ATP10B: variants seen among roughly 807,000 people sequenced by gnomAD.
The protein encoded by ATP10B is ATPase phospholipid transporting 10B (putative).
ATP10B carries 122 observed loss-of-function variants against 141.2 expected under a neutral mutation model. That is an observed-to-expected ratio of 0.86 (90% confidence interval 0.75 to 1.00). The LOEUF (loss-of-function observed/expected upper bound fraction) is 1.00, where lower values mean the gene tolerates loss of function less well. ATP10B is among the 50% of genes least tolerant of loss of function. The pLI is 0.00. For missense variants in ATP10B, 1,876 were observed against 1,825.3 expected, an observed-to-expected ratio of 1.03 and a Z score of -0.51; for synonymous variants, 685 against 692.0, an observed-to-expected ratio of 0.99 and a Z score of 0.16.
intron 6 of ATP10B, among the ~76,000 whole-genome samples, chr5:160,671,164 CAAAAAAA>C (rs1167788105): frequency 0.02 from 464 of 23,726 alleles, 2 homozygotes; most frequent in African/African-American, 0.041. Flanking sequence ...GACTCTGTCT[CAAAAAAA>C]AAAAAAAAAA....
chr5:160,631,294 A>G lies in ATP10B; in HGVS notation c.1620+835T>C, dbSNP rs144994869. ...TGTGTGCAAAGGAAAGAGGAATAGG[A>G]CAGTGGGCAGAAGCCCTGGTCTTGC... On this transcript the variant is annotated intron_variant, in intron 13 of 25. Coordinates refer to ENST00000327245, the MANE Select transcript of ATP10B (RefSeq NM_025153.3). Among the ~76,000 whole-genome samples the G allele has an allele frequency of 5.4e-3, 814 of 151,946 alleles. 6 individuals are homozygous for G. Among genetic ancestry groups the G allele is most frequent in the Non-Finnish European group, 7.2e-3 (488 of 67,866 alleles).
intron 1 of ATP10B, among the ~76,000 whole-genome samples, chr5:160,837,141 C>A (rs1326209728): frequency 6.6e-6 from 1 of 152,128 alleles, no homozygotes; most frequent in African/African-American, 2.4e-5. Context: ...ATTTATCCAA[C>A]ACTACAAATT....
intron 2 of ATP10B, among the ~76,000 whole-genome samples, chr5:160,726,439 A>T (rs1476171213): frequency 6.6e-6 from 1 of 152,142 alleles, no homozygotes; most frequent in African/African-American, 2.4e-5. Flanking sequence ...ACAAAGTGTG[A>T]GTCCTGTTCA....
chr5:160,604,844 T>A (rs1757294376), intron 19 of ATP10B, among the ~76,000 whole-genome samples: 1 of 152,134 alleles, frequency 6.6e-6, no homozygotes, highest in Non-Finnish European at 1.5e-5. Flanking sequence ...CTATGGAAAT[T>A]TTGCTGGTGA....
chr5:160,769,406 C>T (rs1769714863), intron 2 of ATP10B, among the ~76,000 whole-genome samples: 1 of 152,214 alleles, frequency 6.6e-6, no homozygotes, highest in African/African-American at 2.4e-5. Context: ...ACAAGGCCCA[C>T]ACAATTGCTC....
intron 1 of ATP10B, among the ~76,000 whole-genome samples, chr5:160,823,755 A>C (rs1167306409): frequency 2.0e-4 from 30 of 151,752 alleles, no homozygotes; most frequent in Non-Finnish European, 1.5e-5. Context: ...AATGGCATGA[A>C]CCCAGTAGGC....
Position 160,636,307 on chromosome 5 carries a change from G to A in ATP10B, c.1003C>T (p.His335Tyr). ...ILMCLIGAVG[H>Y]SIWNGTFEEH... ...TCAAAGGTCCCATTCCAGATGCTGT[G>A]ACCTGAGAGGAGGCAAAACCAGGAA... The change falls in exon 11 of 26, where the codon CAC becomes TAC. Residue 335 changes from histidine (H) to tyrosine (Y), a missense_variant and splice_region_variant. Transcript: ENST00000327245. The A allele has an allele frequency of 1.9e-6, 3 of 1,611,844 alleles. No homozygotes were observed. The highest frequency in any genetic ancestry group is 2.5e-6 in the Non-Finnish European group (3 of 1,179,194).
chr5:160,674,909 G>A (rs545916386), intron 6 of ATP10B, among the ~76,000 whole-genome samples: 6 of 152,138 alleles, frequency 3.9e-5, no homozygotes, highest in Non-Finnish European at 8.8e-5. Flanking sequence ...TAAAAAATGA[G>A]ATCAGGGATA....
intron 10 of ATP10B, among the ~76,000 whole-genome samples, chr5:160,637,510 T>C (rs994650594): frequency 2.0e-5 from 3 of 152,194 alleles, no homozygotes; most frequent in African/African-American, 7.2e-5. Context: ...TAGCAGAGCC[T>C]AGAATGCTGT....
At chr5:160,575,025 T>TA (rs1466690098) in intron 24 of ATP10B, among the ~76,000 whole-genome samples, 2 of 152,312 alleles carry the variant, frequency 1.3e-5, no homozygotes, top group Middle Eastern at 6.8e-3. Flanking sequence ...TCTATTTTTT[T>TA]ATTCCATGAA....
At chr5:160,799,333 G>T (rs988126662) in intron 1 of ATP10B, among the ~76,000 whole-genome samples, 2 of 152,078 alleles carry the variant, frequency 1.3e-5, no homozygotes, top group African/African-American at 4.8e-5. Flanking sequence ...AACCACTTGA[G>T]GTTTCAAAAC....
intron 2 of ATP10B, among the ~76,000 whole-genome samples, chr5:160,761,861 C>A (rs1373008314): frequency 2.0e-5 from 3 of 152,048 alleles, no homozygotes; most frequent in Non-Finnish European, 4.4e-5. Context: ...GGAAAAGTCT[C>A]CAGAGAAATA....
intron 1 of ATP10B, among the ~76,000 whole-genome samples, chr5:160,836,247 GA>G (rs1325262899): frequency 3.9e-5 from 6 of 152,070 alleles, no homozygotes; most frequent in Non-Finnish European, 7.4e-5. Flanking sequence ...TTTACACACA[GA>G]AAATGACAGT....
chr5:160,754,930 A>G (rs1169853091), intron 2 of ATP10B, among the ~76,000 whole-genome samples: 2 of 152,242 alleles, frequency 1.3e-5, no homozygotes, highest in Non-Finnish European at 2.9e-5. Flanking sequence ...GGTATAATAC[A>G]CTACACATAT....
intron 2 of ATP10B, among the ~76,000 whole-genome samples, chr5:160,766,813 T>A (rs1769474828): frequency 6.6e-6 from 1 of 152,218 alleles, no homozygotes; most frequent in Non-Finnish European, 1.5e-5. Flanking sequence ...AGAATTAGCT[T>A]TAGAAAAAAA....
chr5:160,758,417 C>T (rs4921325), intron 2 of ATP10B, among the ~76,000 whole-genome samples: 4 of 151,984 alleles, frequency 2.6e-5, no homozygotes, highest in African/African-American at 4.8e-5. Flanking sequence ...TTATAGAGGC[C>T]GAAACATGCA....
At chr5:160,657,818 G>C (rs1284474955) in intron 7 of ATP10B, among the ~76,000 whole-genome samples, 2 of 152,200 alleles carry the variant, frequency 1.3e-5, no homozygotes, top group African/African-American at 4.8e-5. Context: ...GGTCCCCAGA[G>C]CATGCTACAG....
chr5:160,896,057 G>A, the ATP10B span, among the ~76,000 whole-genome samples: 3 of 152,122 alleles, frequency 2.0e-5, 1 homozygote, highest in East Asian at 3.9e-4. Context: ...GTGTGTAGAG[G>A]GACATTTATA....
chr5:160,714,039 C>T (rs1478758299), intron 3 of ATP10B, among the ~76,000 whole-genome samples: 6 of 40,440 alleles, frequency 1.5e-4, no homozygotes, highest in Admixed American at 2.9e-4. Context: ...TCTCTGGCTG[C>T]CCTTAACATT....
Sources: gnomAD v4.1 joint callset for allele counts (sites outside exome capture counted in the v4.1 genomes callset) on GRCh38, gnomAD v4.1.1 for gene constraint, MANE v1.5 for transcripts, NCBI Gene and HGNC (gene_info 2026-07-23, HGNC 2026-07-21) for gene names.